AFG3L2: variants seen among roughly 807,000 people sequenced by gnomAD.
AFG3L2 encodes mitochondrial inner membrane m-AAA protease component AFG3L2.
A neutral mutation model predicts 94.5 loss-of-function variants in AFG3L2; 54 were observed. The ratio of observed to expected loss-of-function variants is 0.57; its 90% CI spans 0.46 to 0.72. The LOEUF is 0.72. AFG3L2 is among the 30% of genes least tolerant of loss of function. The probability of loss-of-function intolerance (pLI) is 0.00; values close to 1 mark genes in which losing one functional copy is unlikely to be tolerated. For synonymous variants in AFG3L2, 377 were observed against 365.5 expected (o/e 1.03, Z -0.36); for missense variants, 754 against 994.9 (o/e 0.76, Z 3.26).
chr18:12,329,711 A>C lies in AFG3L2; in HGVS notation c.2248T>G (p.Phe750Val). 1.9e-6 allele frequency: 3 copies of C among 1,614,168 alleles called. No homozygotes were observed. The highest frequency in any genetic ancestry group is 2.5e-6 in the Non-Finnish European group (3 of 1,180,038). Residue 750 changes from phenylalanine (F) to valine (V), a missense_variant, in exon 17 of 17, where the codon TTT becomes GTT. Physicochemically the swap from Phe to Val is conservative, Grantham distance 50. Around this residue, in one of 4 missense-constraint regions of AFG3L2, gnomAD observed 279 missense variants for 378.6 expected, o/e 0.74. Transcript: ENST00000269143. The part of the protein sequence containing the change: ...DMVELLGPRP[F>V]AEKSTYEEFV... ...TCTTCATAGGTAGATTTTTCCGCAAATGGTCTGGGGCCCAAAAGTTCAACC... is the reference window on the plus strand; with the variant it reads ...TCTTCATAGGTAGATTTTTCCGCAACTGGTCTGGGGCCCAAAAGTTCAACC...
intron 9 of AFG3L2, among the ~76,000 whole-genome samples, chr18:12,354,086 G>A (rs1449427598): frequency 2.0e-5 from 3 of 148,258 alleles, no homozygotes; most frequent in African/African-American, 7.7e-5. Context: ...TCAGTCACCT[G>A]CCCCTTCAAG....
intron 15 of AFG3L2, 29 bp from the exon 16 acceptor site, chr18:12,337,564 CAT>C: frequency 6.2e-7 from 1 of 1,607,890 alleles, no homozygotes; most frequent in Non-Finnish European, 8.5e-7. Context: ...GTGGTGATTA[CAT>C]ATGATTGTTC....
intron 14 of AFG3L2, chr18:12,342,707 T>C (rs1568135965): frequency 3.3e-5 from 5 of 152,208 alleles, no homozygotes; most frequent in Non-Finnish European, 5.9e-5. Context: ...TTTTTGCATA[T>C]GATGCAAGGG....
intron 12 of AFG3L2, among the ~76,000 whole-genome samples, chr18:12,349,813 C>T (rs895015690): frequency 6.6e-6 from 1 of 151,926 alleles, no homozygotes. Flanking sequence ...AGCACCCCCA[C>T]CACCACGCCC....
intron 1 of AFG3L2, among the ~76,000 whole-genome samples, chr18:12,375,491 C>T (rs2143248287): frequency 6.6e-6 from 1 of 151,472 alleles, no homozygotes. Flanking sequence ...GAGGAGGAGG[C>T]GGGAGGATCG....
chr18:12,361,833 A>G lies in AFG3L2; in HGVS notation c.628-1782T>C, dbSNP rs1421146980. 4.6e-5 allele frequency among the ~76,000 whole-genome samples: 7 copies of G among 152,272 alleles called. No individual in the cohort carries two copies. The South Asian group carries it at 6.2e-4, about 13-fold the overall frequency. Reference sequence around the variant, plus strand: ...TATTTGGTAAATTATTCACCAACAAAGATACAAAATTCACATGGTTACAAA... The same window carrying G: ...TATTTGGTAAATTATTCACCAACAAGGATACAAAATTCACATGGTTACAAA... On this transcript the variant is annotated intron_variant, in intron 6 of 16. Coordinates refer to ENST00000269143, the MANE Select transcript of AFG3L2 (RefSeq NM_006796.3).
intron 12 of AFG3L2, among the ~76,000 whole-genome samples, chr18:12,349,608 A>T (rs1205369181): frequency 6.6e-6 from 1 of 152,232 alleles, no homozygotes; most frequent in Non-Finnish European, 1.5e-5. Flanking sequence ...AATTTGAATC[A>T]ATCCTGTTCA....
chr18:12,332,940 C>CATATACTATATAAT (rs1568131835), intron 16 of AFG3L2, among the ~76,000 whole-genome samples: 69,741 of 111,558 alleles, frequency 0.63, 25,018 homozygotes, highest in Non-Finnish European at 0.76. Context: ...TACTATATAA[C>CATATACTATATAAT]ATATAATATA....
chr18:12,361,427 T>C (rs1908657949), intron 6 of AFG3L2, among the ~76,000 whole-genome samples: 1 of 151,850 alleles, frequency 6.6e-6, no homozygotes, highest in South Asian at 2.1e-4. Context: ...GGCGGGTGGA[T>C]CACAAGGTCA....
At chr18:12,357,092 C>T (rs1908519853) in intron 8 of AFG3L2, among the ~76,000 whole-genome samples, 1 of 151,908 alleles carries the variant, frequency 6.6e-6, no homozygotes, top group Middle Eastern at 3.2e-3. Context: ...GATTTTTAGA[C>T]CTTTAGTCTA....
At position 12,345,995 on chromosome 18, in the gene AFG3L2, C is replaced by A. The variant is rs1343303119; in HGVS notation, c.1664-1748G>T. ...AAGCCCCACTCGTCTGGTTTTGTAC[C>A]CTCTACTCAGATGAACTGTCAAAAG... On this transcript the variant is annotated intron_variant, in intron 13 of 16. Transcript: ENST00000269143. 2.6e-5 allele frequency among the ~76,000 whole-genome samples: 4 copies of A among 152,114 alleles called. No homozygotes were observed. The South Asian group carries it at 8.3e-4, about 32-fold the overall frequency.
At chr18:12,373,860 C>T (rs1167926769) in intron 1 of AFG3L2, among the ~76,000 whole-genome samples, 1 of 152,138 alleles carries the variant, frequency 6.6e-6, no homozygotes, top group Non-Finnish European at 1.5e-5. Context: ...TCTAGAATGG[C>T]ACCAAGACAC....
chr18:12,329,072 T>C lies in AFG3L2; in HGVS notation c.*493A>G, dbSNP rs992211515. On this transcript the variant is annotated 3_prime_UTR_variant, in exon 17 of 17. Coordinates refer to ENST00000269143, the MANE Select transcript of AFG3L2 (RefSeq NM_006796.3). ...ACCATTCCATTAAGACAGCAACAAG[T>C]GATCTGGATTCAATCTTTAAAATAT... The C allele has an allele frequency of 1.9e-5, 13 of 697,018 alleles. No homozygotes were observed. Among genetic ancestry groups the C allele is most frequent in the Non-Finnish European group, 3.1e-5 (12 of 381,380 alleles). 43.2% of individuals were successfully genotyped at this position (697,018 alleles called of 1,614,324 possible).
chr18:12,348,840 A>G (rs1388008365), intron 12 of AFG3L2, among the ~76,000 whole-genome samples: 3 of 152,250 alleles, frequency 2.0e-5, no homozygotes, highest in Non-Finnish European at 4.4e-5. Context: ...AATATAGCTA[A>G]AAGCTTGTCA....
At chr18:12,370,480 CTTTTTTT>C (rs1237845064) in intron 3 of AFG3L2, among the ~76,000 whole-genome samples, 1 of 57,516 alleles carries the variant, frequency 1.7e-5, no homozygotes, top group African/African-American at 7.3e-5. Flanking sequence ...TTTTTTTTTT[CTTTTTTT>C]TTTGAGACAG....
chr18:12,341,521 T>C (rs1287717470), intron 14 of AFG3L2: 1 of 152,178 alleles, frequency 6.6e-6, no homozygotes, highest in African/African-American at 2.4e-5. Context: ...ATAAATGAAA[T>C]TGTATGGCAC....
chr18:12,370,972 T>C (rs1038631214), intron 2 of AFG3L2, 46 bp from the exon 3 acceptor site: 2 of 1,235,834 alleles, frequency 1.6e-6, no homozygotes, highest in Non-Finnish European at 2.3e-6. Context: ...CTAAAATTCA[T>C]CAGGTTTGTG....
chr18:12,337,715 T>C (rs1907798179), intron 15 of AFG3L2, among the ~76,000 whole-genome samples, 180 bp from the exon 16 acceptor site: 1 of 152,176 alleles, frequency 6.6e-6, no homozygotes, highest in African/African-American at 2.4e-5. Flanking sequence ...AGCCCAGGCA[T>C]AACACCTACA....
intron 15 of AFG3L2, among the ~76,000 whole-genome samples, chr18:12,338,694 T>A (rs1336281893): frequency 6.6e-6 from 1 of 151,782 alleles, no homozygotes; most frequent in East Asian, 1.9e-4. Context: ...AATAGAAAAA[T>A]CCCTTATAAA....
Sources: gnomAD v4.1 joint callset for allele counts (sites outside exome capture counted in the v4.1 genomes callset) on GRCh38, gnomAD v4.1.1 for gene constraint, gnomAD v4.1.1 regional missense constraint, MANE v1.5 for transcripts, NCBI Gene and HGNC (gene_info 2026-07-23, HGNC 2026-07-21) for gene names.